LSAMP: variants seen among roughly 807,000 people sequenced by gnomAD.
LSAMP encodes the protein limbic system associated membrane protein.
A neutral mutation model predicts 38.6 loss-of-function variants in LSAMP; 7 were observed. That is an observed-to-expected ratio of 0.18 (90% CI 0.10 to 0.34). The LOEUF is 0.34. Among genes scored for constraint, LSAMP ranks in the 10% least tolerant of loss-of-function variants. LSAMP has a pLI of 1.00. For missense variants in LSAMP, 313 were observed against 420.0 expected, an observed-to-expected ratio of 0.75 and a Z score of 2.23; for synonymous variants, 154 against 166.8, an observed-to-expected ratio of 0.92 and a Z score of 0.59.
chr3:115,917,731 G>A (rs1282556983), intron 3 of LSAMP, among the ~76,000 whole-genome samples: 8 of 149,834 alleles, frequency 5.3e-5, no homozygotes, highest in Non-Finnish European at 1.0e-4. Context: ...GGGTTAATTT[G>A]GTGCCTTTTA....
chr3:116,292,908 C>A (rs1466743312), intron 1 of LSAMP, among the ~76,000 whole-genome samples: 1 of 152,172 alleles, frequency 6.6e-6, no homozygotes, highest in African/African-American at 2.4e-5. Flanking sequence ...ATCCCATTAA[C>A]CTTTTTTAGT....
chr3:116,334,697 C>A (rs1047521530), intron 1 of LSAMP, among the ~76,000 whole-genome samples: 1 of 152,006 alleles, frequency 6.6e-6, no homozygotes, highest in Non-Finnish European at 1.5e-5. Context: ...AAATTGAACA[C>A]CCTTTTATGG....
intron 1 of LSAMP, among the ~76,000 whole-genome samples, chr3:116,120,929 A>G (rs975367415): frequency 3.3e-5 from 5 of 152,152 alleles, no homozygotes; most frequent in Admixed American, 2.0e-4. Flanking sequence ...CTTTAATTCT[A>G]TGCTCATCAA....
At chr3:116,124,800 AAC>A (rs1708968216) in intron 1 of LSAMP, among the ~76,000 whole-genome samples, 1 of 152,226 alleles carries the variant, frequency 6.6e-6, no homozygotes, top group African/African-American at 2.4e-5. Flanking sequence ...TCAAAGAGAA[AAC>A]ACAATTGGGC....
At chr3:116,243,380 G>A (rs2046564806) in intron 1 of LSAMP, among the ~76,000 whole-genome samples, 1 of 152,170 alleles carries the variant, frequency 6.6e-6, no homozygotes, top group Non-Finnish European at 1.5e-5. Context: ...GAGGAGCAGG[G>A]CAGTATGAAG....
At chr3:115,854,276 A>T (rs866048245) in intron 3 of LSAMP, among the ~76,000 whole-genome samples, 1,222 of 119,288 alleles carry the variant, frequency 0.01, 23 homozygotes, top group African/African-American at 0.024. Context: ...TATTATTATT[A>T]TTATTATTTT....
At chr3:115,924,577 T>C (rs553287548) in intron 3 of LSAMP, among the ~76,000 whole-genome samples, 1 of 152,318 alleles carries the variant, frequency 6.6e-6, no homozygotes, top group Non-Finnish European at 1.5e-5. Flanking sequence ...CATTGCCTCA[T>C]TATATGTTTA....
chr3:116,268,524 C>A (rs750864622), intron 1 of LSAMP, among the ~76,000 whole-genome samples: 1 of 152,032 alleles, frequency 6.6e-6, no homozygotes, highest in Non-Finnish European at 1.5e-5. Flanking sequence ...TAGGCTCATG[C>A]CATTTCTTTA....
At chr3:116,080,548 G>T (rs1293980810) in intron 2 of LSAMP, among the ~76,000 whole-genome samples, 9 of 152,184 alleles carry the variant, frequency 5.9e-5, no homozygotes, top group Admixed American at 5.2e-4. Flanking sequence ...CTTTCTACAG[G>T]GAAGAATATC....
At chr3:116,209,723 A>G (rs946476687) in intron 1 of LSAMP, among the ~76,000 whole-genome samples, 1 of 152,026 alleles carries the variant, frequency 6.6e-6, no homozygotes, top group Admixed American at 6.6e-5. Context: ...TTGAACAAAT[A>G]CATTTTGGGA....
At chr3:115,962,765 T>C (rs1402596143) in intron 3 of LSAMP, among the ~76,000 whole-genome samples, 1 of 152,228 alleles carries the variant, frequency 6.6e-6, no homozygotes, top group Non-Finnish European at 1.5e-5. Context: ...GACATTGCCT[T>C]CGCATGGGTA....
At chr3:116,050,121 G>T (rs9823152) in intron 2 of LSAMP, among the ~76,000 whole-genome samples, 2,037 of 152,142 alleles carry the variant, frequency 0.013, 49 homozygotes, top group African/African-American at 0.045. Context: ...GATCTGAAAG[G>T]GTGGCAGAGT....
chr3:116,248,477 ATGTGTGTGTGTGTGTGTGTGTGTGTGTG>A (rs3028670), intron 1 of LSAMP, among the ~76,000 whole-genome samples: 9 of 141,072 alleles, frequency 6.4e-5, no homozygotes, highest in Middle Eastern at 3.6e-3. Flanking sequence ...CCTGTCTCTA[ATGTGTGTGTGTGTGTGTGTGTGTGTGTG>A]TGTGTGTGTG....
rs551006880 is a variant in LSAMP, at chr3:116,441,541, C to T, written c.155+3336G>A. On this transcript the variant is annotated intron_variant, in intron 1 of 6. Coordinates refer to ENST00000490035, the MANE Select transcript of LSAMP (RefSeq NM_002338.5). ...ATTTTAAAGGTTGGTTTGAAATACC[C>T]TCTATTTCTGCTATTCTTTGACTTG... Among the ~76,000 whole-genome samples, 5 of 152,258 alleles carry T rather than the reference C, an allele frequency of 3.3e-5. No homozygotes were observed. The South Asian group carries it at 8.3e-4, about 25-fold the overall frequency.
chr3:116,008,992 C>T (rs1466432345), intron 3 of LSAMP, among the ~76,000 whole-genome samples: 1 of 152,132 alleles, frequency 6.6e-6, no homozygotes, highest in Non-Finnish European at 1.5e-5. Context: ...CACAGTGATG[C>T]CAATTCTGAT....
At chr3:115,899,886 C>A (rs577189421) in intron 3 of LSAMP, among the ~76,000 whole-genome samples, 3 of 152,200 alleles carry the variant, frequency 2.0e-5, no homozygotes, top group Admixed American at 6.5e-5. Flanking sequence ...GAGGGACAGA[C>A]CCAGTTTCCA....
chr3:116,140,793 C>T (rs1259982584), intron 1 of LSAMP, among the ~76,000 whole-genome samples: 2 of 151,904 alleles, frequency 1.3e-5, no homozygotes, highest in Admixed American at 6.6e-5. Flanking sequence ...ATCTGAGATT[C>T]ATTTTCTGAA....
At position 116,273,683 on chromosome 3, in the gene LSAMP, C is replaced by CAGATATATATATATATATATATATATAT. The variant is rs150705226; in HGVS notation, c.155+171193_155+171194insATATATATATATATATATATATATATCT. Among the ~76,000 whole-genome samples, 42 of 50,446 alleles carry CAGATATATATATATATATATATATATAT rather than the reference C, an allele frequency of 8.3e-4. 9 individuals carry two copies. The highest frequency in any genetic ancestry group is 4.5e-3 in the African/African-American group (36 of 7,936). 33.1% of individuals were successfully genotyped at this position (50,446 alleles called of 152,430 possible). On this transcript the variant is annotated intron_variant, in intron 1 of 6. Coordinates refer to ENST00000490035, the MANE Select transcript of LSAMP (RefSeq NM_002338.5). Reference sequence around the variant, plus strand: ...GACCACCAAGAGAAAGAGAAAGAGGCATATATATATATATATATATATATA... The same window carrying CAGATATATATATATATATATATATATAT: ...GACCACCAAGAGAAAGAGAAAGAGGCAGATATATATATATATATATATATATATATATATATATATATATATATATATA...
At chr3:115,975,554 G>A (rs9826879) in intron 3 of LSAMP, among the ~76,000 whole-genome samples, 2,574 of 152,216 alleles carry the variant, frequency 0.017, 77 homozygotes, top group African/African-American at 0.058. Flanking sequence ...TCAAGAAAGC[G>A]AGAGGGGAGA....
Sources: allele counts gnomAD v4.1 joint callset (sites outside exome capture counted in the v4.1 genomes callset), GRCh38; gene constraint gnomAD v4.1.1; transcripts MANE v1.5; gene names NCBI Gene and HGNC (gene_info 2026-07-23, HGNC 2026-07-21).